The following CRACR2A variants were observed in gnomAD, a reference collection of about 807,000 sequenced individuals.
CRACR2A encodes calcium release activated channel regulator 2A, also known as EF-hand calcium-binding domain-containing protein 4B.
Under a neutral mutation model 90.5 loss-of-function variants are expected in CRACR2A, and 79 were observed. The ratio of observed to expected loss-of-function variants is 0.87; its 90% CI spans 0.73 to 1.05. CRACR2A has a LOEUF of 1.05. Ranked by LOEUF, CRACR2A falls within the 50% of genes least tolerant of loss-of-function variation. The pLI, the probability that CRACR2A is intolerant of heterozygous loss-of-function variation, is 0.00. For synonymous variants in CRACR2A, 338 were observed against 356.7 expected, an observed-to-expected ratio of 0.95 and a Z score of 0.59; for missense variants, 823 against 897.2, an observed-to-expected ratio of 0.92 and a Z score of 1.06.
chr12:3,709,395 C>A (rs556472492), intron 3 of CRACR2A, among the ~76,000 whole-genome samples: 2 of 152,240 alleles, frequency 1.3e-5, no homozygotes. Context: ...AGTAGCACCA[C>A]AGGAAGCTGT....
intron 10 of CRACR2A, among the ~76,000 whole-genome samples, chr12:3,650,612 G>C (rs1308813116): frequency 6.6e-6 from 1 of 152,178 alleles, no homozygotes; most frequent in Non-Finnish European, 1.5e-5. Flanking sequence ...TGAAGATCCT[G>C]GTGCTGTGCT....
chr12:3,679,166 C>T, intron 5 of CRACR2A, 68 bp from the exon 6 acceptor site: 11 of 1,417,914 alleles, frequency 7.8e-6, no homozygotes, highest in African/African-American at 1.4e-5. Context: ...AGCTTTCTCA[C>T]CTGCCAGGAA....
intron 3 of CRACR2A, among the ~76,000 whole-genome samples, chr12:3,697,766 C>T (rs1383936940): frequency 6.6e-6 from 1 of 152,210 alleles, no homozygotes; most frequent in East Asian, 1.9e-4. Context: ...AAATGTGCCC[C>T]ATTCTCAAGG....
chr12:3,645,351 AG>A (rs1490710411), intron 11 of CRACR2A, among the ~76,000 whole-genome samples: 3 of 152,248 alleles, frequency 2.0e-5, no homozygotes, highest in African/African-American at 7.2e-5. Flanking sequence ...AGTGTGAGCA[AG>A]AAATAGGAGG....
chr12:3,620,795 C>T (rs535719495), intron 17 of CRACR2A, among the ~76,000 whole-genome samples: 8 of 152,282 alleles, frequency 5.3e-5, no homozygotes, highest in African/African-American at 9.6e-5. Flanking sequence ...GACTCAAAGG[C>T]GCTACAAGAT....
chr12:3,689,346 T>C (rs867670790), intron 4 of CRACR2A, among the ~76,000 whole-genome samples: 1 of 152,216 alleles, frequency 6.6e-6, no homozygotes, highest in African/African-American at 2.4e-5. Context: ...AGATGGCTCT[T>C]ATTATTTTGA....
intron 7 of CRACR2A, among the ~76,000 whole-genome samples, chr12:3,660,937 CCTTT>C (rs897734015): frequency 2.0e-5 from 3 of 151,006 alleles, no homozygotes; most frequent in African/African-American, 7.3e-5. Flanking sequence ...CCCACTGTGC[CCTTT>C]ATTTAAGGGA....
chr12:3,686,528 G>A (rs1945556090), intron 4 of CRACR2A, among the ~76,000 whole-genome samples: 2 of 152,072 alleles, frequency 1.3e-5, no homozygotes, highest in Admixed American at 1.3e-4. Flanking sequence ...AGGGAAACAG[G>A]GCTTTTGAGG....
chr12:3,623,748 T>G (rs1027976735), intron 17 of CRACR2A, among the ~76,000 whole-genome samples: 1 of 152,204 alleles, frequency 6.6e-6, no homozygotes, highest in African/African-American at 2.4e-5. Context: ...GGGCCTCTTC[T>G]GCAGAAGGCC....
chr12:3,739,318 T>C (rs1346891098), intron 1 of CRACR2A, among the ~76,000 whole-genome samples: 1 of 152,228 alleles, frequency 6.6e-6, no homozygotes, highest in Non-Finnish European at 1.5e-5. Context: ...TTCTTCATCT[T>C]AAAAATTCAT....
chr12:3,702,884 A>C (rs1188935816), intron 3 of CRACR2A, among the ~76,000 whole-genome samples: 1 of 152,210 alleles, frequency 6.6e-6, no homozygotes, highest in Non-Finnish European at 1.5e-5. Context: ...TGATTTCAAG[A>C]CTTATTATAA....
At chr12:3,710,802 AAAAGAAAG>A (rs1035694219) in intron 3 of CRACR2A, among the ~76,000 whole-genome samples, 10 of 150,428 alleles carry the variant, frequency 6.6e-5, no homozygotes, top group African/African-American at 2.4e-4. Context: ...AAAAAAAAAA[AAAAGAAAG>A]AAAGAAAGAA....
At chr12:3,733,525 G>C (rs1472161162) in intron 1 of CRACR2A, among the ~76,000 whole-genome samples, 1 of 152,030 alleles carries the variant, frequency 6.6e-6, no homozygotes, top group African/African-American at 2.4e-5. Context: ...GTGTTTTCCT[G>C]GCTCTTTTCC....
intron 11 of CRACR2A, chr12:3,648,270 A>G: frequency 7.4e-7 from 1 of 1,360,426 alleles, no homozygotes. Context: ...ATCAAGTACC[A>G]AGCACAGTCC....
intron 2 of CRACR2A, among the ~76,000 whole-genome samples, chr12:3,718,369 GC>G (rs1030746389): frequency 2.0e-5 from 3 of 152,148 alleles, no homozygotes; most frequent in African/African-American, 7.2e-5. Flanking sequence ...TGTGGAGCAG[GC>G]AGCATTCTCT....
At chr12:3,649,229 A>T (rs188858210) in intron 10 of CRACR2A, among the ~76,000 whole-genome samples, 205 of 138,242 alleles carry the variant, frequency 1.5e-3, no homozygotes, top group Middle Eastern at 7.0e-3. Context: ...TTAAAGTATA[A>T]CAATAATAAG....
chr12:3,675,092 T>G (rs73049104), intron 6 of CRACR2A, among the ~76,000 whole-genome samples: 22,480 of 152,254 alleles, frequency 0.15, 1,842 homozygotes, highest in South Asian at 0.26. Flanking sequence ...AAAATTTGCT[T>G]GTCCATTACA....
At chr12:3,661,907 A>G (rs768243163) in intron 7 of CRACR2A, among the ~76,000 whole-genome samples, 5 of 152,268 alleles carry the variant, frequency 3.3e-5, no homozygotes, top group Non-Finnish European at 5.9e-5. Flanking sequence ...TCTAATAACC[A>G]TGCGGGGCAT....
intron 13 of CRACR2A, chr12:3,640,327 C>T (rs960743346): frequency 1.6e-5 from 4 of 247,130 alleles, no homozygotes; most frequent in South Asian, 1.0e-4. Context: ...GTCCATTTGG[C>T]TCACTACTGT....
Sources: gnomAD v4.1 joint callset for allele counts (sites outside exome capture counted in the v4.1 genomes callset) on GRCh38, gnomAD v4.1.1 for gene constraint, MANE v1.5 for transcripts, NCBI Gene and HGNC (gene_info 2026-07-23, HGNC 2026-07-21) for gene names.